Variants in TMEM67 observed in about 807,000 individuals in gnomAD.
TMEM67 encodes transmembrane protein 67, also known as meckelin.
In TMEM67, 124 loss-of-function variants were observed where a neutral mutation model predicts 136.6. The observed-to-expected ratio is 0.91, with a 90% CI of 0.78 to 1.05. TMEM67 has a LOEUF of 1.05. Among genes scored for constraint, TMEM67 ranks in the 50% least tolerant of loss-of-function variants. The probability of loss-of-function intolerance (pLI) is 0.00; values close to 1 mark genes in which losing one functional copy is unlikely to be tolerated. For synonymous variants in TMEM67, 364 were observed against 390.5 expected (o/e 0.93, Z 0.80); for missense variants, 1,107 against 1,178.4 (o/e 0.94, Z 0.89).
downstream of TMEM67, chr8:93,819,207 C>T (rs1439563636): frequency 2.3e-6 from 1 of 438,182 alleles, no homozygotes; most frequent in East Asian, 7.1e-5. Flanking sequence ...TTTTTTCTTG[C>T]TAATAAATTA....
At chr8:93,820,379 G>A (rs181309311), downstream of TMEM67, among the ~76,000 whole-genome samples, 85 of 152,284 alleles carry the variant, frequency 5.6e-4, no homozygotes, top group African/African-American at 2.0e-3. Context: ...TTTATGTTGG[G>A]CCACATCTCC....
intron 26 of TMEM67, among the ~76,000 whole-genome samples, chr8:93,811,734 T>C (rs1243431909): frequency 6.6e-6 from 1 of 152,148 alleles, no homozygotes; most frequent in Non-Finnish European, 1.5e-5. Context: ...CAACATCTTA[T>C]TCTGATAGAG....
At chr8:93,801,504 C>T (rs1382468948) in intron 21 of TMEM67, among the ~76,000 whole-genome samples, 1 of 151,680 alleles carries the variant, frequency 6.6e-6, no homozygotes, top group Non-Finnish European at 1.5e-5. Context: ...CAGGTTCAAG[C>T]GATTCTCCTG....
intron 6 of TMEM67, among the ~76,000 whole-genome samples, chr8:93,767,174 C>T (rs1240338011): frequency 6.6e-6 from 1 of 152,168 alleles, no homozygotes; most frequent in Non-Finnish European, 1.5e-5. Context: ...ACAGGCCTTA[C>T]CATCCTACAG....
At chr8:93,789,764 A>T (rs1814290491) in intron 14 of TMEM67, among the ~76,000 whole-genome samples, 1 of 151,628 alleles carries the variant, frequency 6.6e-6, no homozygotes, top group Admixed American at 6.6e-5. Context: ...AAATTGAAAA[A>T]TAACAAATAG....
chr8:93,825,340 GAAC>G, the TMEM67 span, among the ~76,000 whole-genome samples: 3 of 152,178 alleles, frequency 2.0e-5, no homozygotes, highest in Non-Finnish European at 4.4e-5. Flanking sequence ...GCTCAATATG[GAAC>G]AACACTGGGA....
intron 17 of TMEM67, 52 bp downstream of exon 17, chr8:93,795,559 A>T: frequency 6.9e-7 from 1 of 1,438,962 alleles, no homozygotes; most frequent in Non-Finnish European, 9.8e-7. Context: ...ATAGTTGAAA[A>T]GCTTTCTTTA....
intron 6 of TMEM67, among the ~76,000 whole-genome samples, chr8:93,767,725 A>AT (rs61268455): frequency 0.56 from 77,865 of 139,502 alleles, 21,369 homozygotes; most frequent in East Asian, 0.81. Context: ...CTTCTGCGTG[A>AT]TTTTTTTTTT....
chr8:93,804,322 T>TTTC, intron 22 of TMEM67, among the ~76,000 whole-genome samples: 1 of 136,080 alleles, frequency 7.3e-6, no homozygotes, highest in Admixed American at 7.2e-5. Flanking sequence ...TTTTTTTTTT[T>TTTC]TTTTTTTTTT....
At chr8:93,832,054 G>C in the TMEM67 span, among the ~76,000 whole-genome samples, 3 of 152,214 alleles carry the variant, frequency 2.0e-5, no homozygotes, top group African/African-American at 7.2e-5. Flanking sequence ...TTTCCTTTTA[G>C]GCCCTGGCCT....
At chr8:93,755,716 G>A in intron 1 of TMEM67, 62 bp from the exon 2 acceptor site, 1 of 1,109,326 alleles carries the variant, frequency 9.0e-7, no homozygotes, top group Non-Finnish European at 1.3e-6. Context: ...TCACTATCTG[G>A]GAACTTTATT....
At chr8:93,778,201 G>A (rs1813645308) in intron 7 of TMEM67, among the ~76,000 whole-genome samples, 1 of 152,090 alleles carries the variant, frequency 6.6e-6, no homozygotes. Context: ...CTTTCCATTT[G>A]CTTGGTATAT....
downstream of TMEM67, among the ~76,000 whole-genome samples, chr8:93,819,638 C>T (rs894728846): frequency 2.0e-5 from 3 of 151,958 alleles, no homozygotes; most frequent in African/African-American, 7.3e-5. Flanking sequence ...AGGGCTTTGA[C>T]CTCAGAGAAG....
rs1015960600 is a variant in TMEM67 at position 93,795,915 on chromosome 8, G to C, written c.1788G>C (p.Val596=). The change falls in exon 18 of 28, where the codon GTG becomes GTC. Residue 596 remains valine (V), a synonymous_variant. Coordinates refer to ENST00000453321, the MANE Select transcript of TMEM67 (RefSeq NM_153704.6). ...TTTTATTATAGGCACAGAAGTCTGT[G>C]TCTGTTTTGCTGCCAATGCCAATTC... is the stretch of plus-strand genomic sequence containing the variant. ...WLIFFKAQKS[V]SVLLPMPIQE... The C allele has an allele frequency of 1.2e-6, 2 of 1,607,474 alleles. No individual in the cohort carries two copies. The highest frequency in any genetic ancestry group is 2.7e-5 in the African/African-American group (2 of 74,732).
At chr8:93,775,384 T>C (rs1026543035) in intron 7 of TMEM67, among the ~76,000 whole-genome samples, 2 of 152,244 alleles carry the variant, frequency 1.3e-5, no homozygotes, top group East Asian at 1.9e-4. Flanking sequence ...ATTTTGGCTT[T>C]TGTTGCCATT....
chr8:93,802,777 G>A (rs556802337), intron 21 of TMEM67, among the ~76,000 whole-genome samples: 1 of 152,314 alleles, frequency 6.6e-6, no homozygotes, highest in Non-Finnish European at 1.5e-5. Context: ...TATAGAGTAT[G>A]TAGGAAAACA....
At chr8:93,783,935 C>A (rs1813975110) in intron 11 of TMEM67, among the ~76,000 whole-genome samples, 1 of 152,096 alleles carries the variant, frequency 6.6e-6, no homozygotes, top group Non-Finnish European at 1.5e-5. Flanking sequence ...AACTACAGTT[C>A]AAGATGAGAT....
rs531793112 is a variant in TMEM67 at position 93,810,081 on chromosome 8, G to C, written c.2764+194G>C. 1.6e-3 allele frequency: 625 copies of C among 400,422 alleles called. 8 individuals are homozygous for C. The South Asian group carries it at 0.018, about 12-fold the overall frequency. The allele number at this position is 400,422 out of a possible 1,614,324, so 24.8% of individuals were successfully genotyped here. On this transcript the variant is annotated intron_variant, in intron 26 of 27. Transcript: ENST00000453321. Reference sequence around the variant, plus strand: ...CCTCCCGGGTTCATGCCATTCTCTTGCCTCAGCTTCCCAAGTAGCTGGGAC... The same window carrying C: ...CCTCCCGGGTTCATGCCATTCTCTTCCCTCAGCTTCCCAAGTAGCTGGGAC...
At position 93,787,922 on chromosome 8, in the gene TMEM67, C is replaced by T. The variant is rs1226585898; in HGVS notation, c.1491C>T (p.Ile497=). 1.3e-5 allele frequency: 21 copies of T among 1,613,692 alleles called. No homozygotes were observed. Among genetic ancestry groups the T allele is most frequent in the Non-Finnish European group, 1.6e-5 (19 of 1,179,782 alleles). Reference sequence around the variant, plus strand: ...CCATTGCCTACAGTGACATTGATATCAAAGATGCCAACAGCCAGTCTGTGA... The same window carrying T: ...CCATTGCCTACAGTGACATTGATATTAAAGATGCCAACAGCCAGTCTGTGA... ...LITIAYSDID[I]KDANSQSVKV... The change falls in exon 14 of 28, where the codon ATC becomes ATT. Residue 497 remains isoleucine (I), a synonymous_variant. Coordinates refer to ENST00000453321, the MANE Select transcript of TMEM67 (RefSeq NM_153704.6).
Sources: gnomAD v4.1 joint callset for allele counts (sites outside exome capture counted in the v4.1 genomes callset) on GRCh38, gnomAD v4.1.1 for gene constraint, MANE v1.5 for transcripts, NCBI Gene and HGNC (gene_info 2026-07-23, HGNC 2026-07-21) for gene names.